The following ASXL3 variants were observed in gnomAD, a reference collection of about 807,000 sequenced individuals.
The protein encoded by ASXL3 is ASXL transcriptional regulator 3, also known as putative Polycomb group protein ASXL3.
Under a neutral mutation model 170.6 loss-of-function variants are expected in ASXL3, and 34 were observed. The observed-to-expected ratio is 0.20, with a 90% CI of 0.15 to 0.27. The LOEUF (loss-of-function observed/expected upper bound fraction) is 0.27. ASXL3 is among the 10% of genes least tolerant of loss of function. The pLI is 1.00. For missense variants in ASXL3, 2,592 were observed against 2,695.3 expected (o/e 0.96, Z 0.85); for synonymous variants, 1,002 against 989.1 (o/e 1.01, Z -0.24).
intron 10 of ASXL3, 88 bp from the exon 11 acceptor site, chr18:33,738,399 T>A (rs1186202231): frequency 7.7e-7 from 1 of 1,292,296 alleles, no homozygotes; most frequent in African/African-American, 1.5e-5. Context: ...TGCATTTACT[T>A]CTATTGAATA....
At chr18:33,713,229 G>GTTTTTTTTTTTTTTTTTTTTTTTTTTTT (rs1478922106) in intron 8 of ASXL3, among the ~76,000 whole-genome samples, 2 of 81,760 alleles carry the variant, frequency 2.4e-5, no homozygotes, top group African/African-American at 6.2e-5. Flanking sequence ...CCACAAGAAG[G>GTTTTTTTTTTTTTTTTTTTTTTTTTTTT]TTTTTTTTGT....
chr18:33,606,783 T>A (rs759820748), intron 1 of ASXL3, among the ~76,000 whole-genome samples: 2 of 151,984 alleles, frequency 1.3e-5, no homozygotes, highest in Non-Finnish European at 2.9e-5. Context: ...CTGTAGTTCA[T>A]GTTGGTGCAC....
At chr18:33,665,478 A>G (rs898288834) in intron 5 of ASXL3, among the ~76,000 whole-genome samples, 5 of 152,182 alleles carry the variant, frequency 3.3e-5, no homozygotes, top group South Asian at 2.1e-4. Flanking sequence ...TTCTATGTGT[A>G]TTTCTAATCA....
At chr18:33,723,129 T>C (rs1290205326) in intron 8 of ASXL3, among the ~76,000 whole-genome samples, 1 of 152,170 alleles carries the variant, frequency 6.6e-6, no homozygotes, top group Admixed American at 6.6e-5. Context: ...AAGAGAATAA[T>C]GTTTTCATAT....
At chr18:33,703,663 AC>A (rs2066914615) in intron 8 of ASXL3, among the ~76,000 whole-genome samples, 1 of 151,644 alleles carries the variant, frequency 6.6e-6, no homozygotes. Flanking sequence ...CTCCCCCCCA[AC>A]CCCCACCCCC....
intron 8 of ASXL3, among the ~76,000 whole-genome samples, chr18:33,691,913 A>G (rs962660984): frequency 3.9e-5 from 6 of 152,280 alleles, no homozygotes; most frequent in East Asian, 3.9e-4. Context: ...ATTATCAGCA[A>G]TTCTTACCAT....
intron 2 of ASXL3, among the ~76,000 whole-genome samples, chr18:33,624,028 C>T (rs752555582): frequency 4.3e-4 from 66 of 152,184 alleles, no homozygotes; most frequent in Non-Finnish European, 8.4e-4. Flanking sequence ...TGTGATTGTG[C>T]ATACCTGTGG....
At chr18:33,722,282 G>C (rs1246590514) in intron 8 of ASXL3, among the ~76,000 whole-genome samples, 1 of 152,096 alleles carries the variant, frequency 6.6e-6, no homozygotes, top group Non-Finnish European at 1.5e-5. Flanking sequence ...AATGAGGAAG[G>C]CATGTTGAAA....
chr18:33,713,958 C>T (rs1395669822), intron 8 of ASXL3, among the ~76,000 whole-genome samples: 2 of 152,118 alleles, frequency 1.3e-5, no homozygotes, highest in Non-Finnish European at 2.9e-5. Context: ...GGTCTCAAGT[C>T]ATCATAGTGG....
rs757412985 is a variant in ASXL3 at position 33,747,853 on chromosome 18, G to T, written c.*1258G>T. 1.3e-5 allele frequency: 2 copies of T among 152,152 alleles called. 1 individual carries two copies. Among genetic ancestry groups the T allele is most frequent in the Non-Finnish European group, 2.9e-5 (2 of 68,032 alleles). The allele number at this position is 152,152 out of a possible 1,614,324, so 9.4% of individuals were successfully genotyped here. A position where few individuals can be genotyped will look rare whatever the true frequency, so the allele number is the denominator to read the frequency against. ...GAAAAAGGGATACTGCATCTTAACAGTTATCTTCAGTGTGCATCCAGTAAA... is the reference window on the plus strand; with the variant it reads ...GAAAAAGGGATACTGCATCTTAACATTTATCTTCAGTGTGCATCCAGTAAA... On this transcript the variant is annotated 3_prime_UTR_variant, in exon 12 of 12. Coordinates refer to ENST00000269197, the MANE Select transcript of ASXL3 (RefSeq NM_030632.3).
At chr18:33,646,453 G>T in intron 4 of ASXL3, 100 bp downstream of exon 4, 1 of 825,808 alleles carries the variant, frequency 1.2e-6, no homozygotes, top group Non-Finnish European at 1.8e-6. Context: ...TATCAATACA[G>T]TTTTCTTCTA....
At chr18:33,700,147 T>C (rs951331199) in intron 8 of ASXL3, among the ~76,000 whole-genome samples, 4 of 151,990 alleles carry the variant, frequency 2.6e-5, no homozygotes, top group Admixed American at 6.6e-5. Flanking sequence ...TTTTGTTTGG[T>C]TTATTTTTTC....
intron 1 of ASXL3, among the ~76,000 whole-genome samples, chr18:33,594,341 T>A (rs1342781166): frequency 6.6e-6 from 1 of 152,192 alleles, no homozygotes; most frequent in Non-Finnish European, 1.5e-5. Flanking sequence ...TTAATAATTT[T>A]TCTTCGTTCT....
chr18:33,582,339 T>C (rs2065000774), intron 1 of ASXL3, among the ~76,000 whole-genome samples: 1 of 152,200 alleles, frequency 6.6e-6, no homozygotes, highest in Non-Finnish European at 1.5e-5. Context: ...CAGGACTTTG[T>C]TTTACAGCAC....
chr18:33,613,176 A>G (rs2065364193), intron 2 of ASXL3, among the ~76,000 whole-genome samples: 1 of 152,130 alleles, frequency 6.6e-6, no homozygotes, highest in African/African-American at 2.4e-5. Flanking sequence ...AATCAGTGCC[A>G]TTCTTAACTC....
At chr18:33,584,054 A>C (rs950866287) in intron 1 of ASXL3, among the ~76,000 whole-genome samples, 1 of 152,182 alleles carries the variant, frequency 6.6e-6, no homozygotes, top group Non-Finnish European at 1.5e-5. Flanking sequence ...ACAGATTTAC[A>C]GAAGGGAAAA....
chr18:33,650,733 G>C (rs1217439240), intron 4 of ASXL3, among the ~76,000 whole-genome samples: 1 of 152,064 alleles, frequency 6.6e-6, no homozygotes. Flanking sequence ...TAGATTTCCT[G>C]ACCTCTCCTT....
intron 7 of ASXL3, among the ~76,000 whole-genome samples, chr18:33,673,335 C>T (rs923463744): frequency 6.6e-6 from 1 of 151,746 alleles, no homozygotes; most frequent in South Asian, 2.1e-4. Context: ...CTAAGGTATA[C>T]CCTTATCAGT....
At chr18:33,587,198 A>G (rs2065041726) in intron 1 of ASXL3, among the ~76,000 whole-genome samples, 1 of 152,226 alleles carries the variant, frequency 6.6e-6, no homozygotes, top group Admixed American at 6.5e-5. Context: ...ACACTGTTTT[A>G]AAGTGATATA....
Sources: allele counts gnomAD v4.1 joint callset (sites outside exome capture counted in the v4.1 genomes callset), GRCh38; gene constraint gnomAD v4.1.1; transcripts MANE v1.5; gene names NCBI Gene and HGNC (gene_info 2026-07-23, HGNC 2026-07-21).